Variants in MYH9 observed in about 807,000 individuals in gnomAD.
The protein encoded by MYH9 is myosin-9.
A neutral mutation model predicts 241.9 loss-of-function variants in MYH9; 29 were observed. That is an observed-to-expected ratio of 0.12 (90% CI 0.09 to 0.16). The LOEUF (loss-of-function observed/expected upper bound fraction) is 0.16, where lower values mean the gene tolerates loss of function less well. Ranked by LOEUF, MYH9 falls within the 10% of genes least tolerant of loss-of-function variation. The pLI is 1.00. For missense variants in MYH9, 1,803 were observed against 2,595.5 expected (o/e 0.69, Z 6.63); for synonymous variants, 1,047 against 1,062.6 (o/e 0.99, Z 0.29).
chr22:36,297,284 T>C (rs2016803769), intron 24 of MYH9: 4 of 513,674 alleles, frequency 7.8e-6, no homozygotes, highest in Non-Finnish European at 1.4e-5. Context: ...GTAATTCCCT[T>C]GGTTCCCTTG....
chr22:36,362,531 C>G (rs1243953617), intron 1 of MYH9, among the ~76,000 whole-genome samples: 1 of 152,132 alleles, frequency 6.6e-6, no homozygotes, highest in Non-Finnish European at 1.5e-5. Flanking sequence ...CTCTGTTGCC[C>G]GGGCTGGAGT....
intron 1 of MYH9, among the ~76,000 whole-genome samples, 198 bp downstream of exon 1, chr22:36,387,609 G>A (rs958854486): frequency 6.6e-6 from 1 of 151,468 alleles, no homozygotes; most frequent in East Asian, 1.9e-4. Flanking sequence ...CGCCCTCCCC[G>A]AGCGCCCGCG....
At chr22:36,373,167 C>T (rs1478643173) in intron 1 of MYH9, among the ~76,000 whole-genome samples, 1 of 152,222 alleles carries the variant, frequency 6.6e-6, no homozygotes, top group African/African-American at 2.4e-5. Context: ...CTGGAAAAGG[C>T]AGGGGCCTCA....
At chr22:36,299,180 C>T in intron 23 of MYH9, 138 bp from the exon 24 acceptor site, 6 of 1,264,556 alleles carry the variant, frequency 4.7e-6, no homozygotes, top group Non-Finnish European at 5.7e-6. Flanking sequence ...TTAGGATTTT[C>T]CTAGATCAAA....
Position 36,320,338 on chromosome 22 carries a change from G to T in MYH9, c.894C>A (p.Asn298Lys), listed in dbSNP as rs1165886425. The change falls in exon 9 of 41, where the codon AAC becomes AAA. Residue 298 changes from asparagine to lysine, a missense_variant. Asn to Lys is a moderately conservative substitution (Grantham distance 94). Transcript: ENST00000216181. This position sits in a 1 kb window ranked among gnomAD's most constrained non-coding sequence, Gnocchi z 4.8. Reference sequence around the variant, plus strand: ...GTCCATTGGACAGGAAGCGGTATTTGTTGTACGGCTCCAACAGGAGATCGG... The same window carrying T: ...GTCCATTGGACAGGAAGCGGTATTTTTTGTACGGCTCCAACAGGAGATCGG... ...LKTDLLLEPY[N>K]KYRFLSNGHV... 12 of 1,613,958 alleles carry T rather than the reference G, an allele frequency of 7.4e-6. No homozygotes were observed. The highest frequency in any genetic ancestry group is 1.0e-5 in the Non-Finnish European group (12 of 1,180,044).
intron 40 of MYH9, among the ~76,000 whole-genome samples, chr22:36,283,712 T>C (rs2016531439): frequency 1.3e-5 from 2 of 152,242 alleles, no homozygotes; most frequent in Admixed American, 6.5e-5. Context: ...TCACTACTTC[T>C]TGAGTGTTAA....
intron 3 of MYH9, among the ~76,000 whole-genome samples, chr22:36,333,587 A>G (rs927372942): frequency 2.6e-5 from 4 of 152,244 alleles, no homozygotes; most frequent in Admixed American, 1.3e-4. Context: ...GGTCAAGACT[A>G]AACAAATTTG....
chr22:36,378,179 G>A (rs767842557), intron 1 of MYH9, among the ~76,000 whole-genome samples: 1 of 152,056 alleles, frequency 6.6e-6, no homozygotes, highest in Non-Finnish European at 1.5e-5. Context: ...AGGAGGCTGA[G>A]GTGGGAAGAA....
intron 11 of MYH9, among the ~76,000 whole-genome samples, chr22:36,317,439 T>A (rs551835799): frequency 3.3e-5 from 5 of 152,270 alleles, no homozygotes; most frequent in African/African-American, 1.2e-4. Context: ...GGTTTCTCCT[T>A]AATGGTCAGG....
rs190990609 is a variant in MYH9 at position 36,328,152 on chromosome 22, G to C, written c.491-664C>G. ...AGGCGTGCAATGATGTCACTTTAGA[G>C]GCAGCTTGTAAAGAATGACAGCTTC... On this transcript the variant is annotated intron_variant, in intron 3 of 40. Transcript: ENST00000216181. 2.6e-5 allele frequency among the ~76,000 whole-genome samples: 4 copies of C among 151,844 alleles called. No homozygotes were observed. In the East Asian group the frequency reaches 5.8e-4, roughly 22 times the overall value.
rs2016859332 is a variant in MYH9 at position 36,300,483 on chromosome 22, G to A, written c.2839-219C>T. Among the ~76,000 whole-genome samples, 1 of 152,254 alleles carries A rather than the reference G, an allele frequency of 6.6e-6. No individual in the cohort carries two copies. Among genetic ancestry groups the A allele is most frequent in the Non-Finnish European group, 1.5e-5 (1 of 68,044 alleles). On this transcript the variant is annotated intron_variant, in intron 22 of 40. Transcript: ENST00000216181. The surrounding 1 kb of genome is among the most constrained non-coding windows in gnomAD (Gnocchi z 5.0). The stretch of plus-strand genomic sequence containing the variant: ...TTTGTAGGATTCCAGATTTCAAACT[G>A]GGACACAGGGCCAGAACATCGGTGC...
chr22:36,300,687 T>A lies in MYH9; in HGVS notation c.2838+164A>T, dbSNP rs952715019. 1.3e-5 allele frequency among the ~76,000 whole-genome samples: 2 copies of A among 152,134 alleles called. No homozygotes were observed. Among genetic ancestry groups the A allele is most frequent in the Non-Finnish European group, 2.9e-5 (2 of 68,018 alleles). ...GATCTCAGATGCACATGTCACAAAC[T>A]ACCAGCCCAAAGGGAACACCTCTCA... On this transcript the variant is annotated intron_variant, in intron 22 of 40. Transcript: ENST00000216181. This position sits in a 1 kb window ranked among gnomAD's most constrained non-coding sequence, Gnocchi z 5.0.
chr22:36,384,611 A>AAAATATAT (rs1569537393), intron 1 of MYH9, among the ~76,000 whole-genome samples: 1 of 41,444 alleles, frequency 2.4e-5, no homozygotes, highest in African/African-American at 1.1e-4. Context: ...AAAAAAAAAA[A>AAAATATAT]ATATATATAT....
intron 5 of MYH9, among the ~76,000 whole-genome samples, chr22:36,324,445 G>A (rs935071253): frequency 6.6e-6 from 1 of 152,248 alleles, no homozygotes; most frequent in African/African-American, 2.4e-5. Flanking sequence ...AACAGAGCAG[G>A]GAGAGTCAAA....
chr22:36,340,966 G>C (rs1472480841), intron 3 of MYH9, among the ~76,000 whole-genome samples: 1 of 152,158 alleles, frequency 6.6e-6, no homozygotes, highest in Non-Finnish European at 1.5e-5. Context: ...GCATCTGTTT[G>C]TGTAGAGATG....
intron 2 of MYH9, among the ~76,000 whole-genome samples, chr22:36,345,695 G>C (rs739096): frequency 0.43 from 65,083 of 152,064 alleles, 17,320 homozygotes; most frequent in Non-Finnish European, 0.58. Flanking sequence ...CCTTTAATTT[G>C]GTCCACATGA....
rs2017268628 is a variant in MYH9 at position 36,322,413 on chromosome 22, C to A, written c.705+16G>T. On this transcript the variant is annotated intron_variant, in intron 6 of 40. Coordinates refer to ENST00000216181, the MANE Select transcript of MYH9 (RefSeq NM_002473.6). ...GCCCTCTGTCCCCAGAGCCGGGGCG[C>A]CGCCGCGCTACTCACGAAGCGGGAG... 2.5e-6 allele frequency: 4 copies of A among 1,613,366 alleles called. No individual in the cohort carries two copies. Among genetic ancestry groups the A allele is most frequent in the Non-Finnish European group, 3.4e-6 (4 of 1,179,552 alleles).
At chr22:36,354,298 G>A (rs1343874461) in intron 1 of MYH9, among the ~76,000 whole-genome samples, 1 of 152,038 alleles carries the variant, frequency 6.6e-6, no homozygotes, top group East Asian at 1.9e-4. Flanking sequence ...ACACAAGCTG[G>A]GGAATGAGGA....
At chr22:36,317,625 A>T (rs1021797343) in intron 11 of MYH9, among the ~76,000 whole-genome samples, 25 of 152,066 alleles carry the variant, frequency 1.6e-4, no homozygotes, top group African/African-American at 5.8e-4. Context: ...CACCCTAAAA[A>T]CCCCCATGGC....
Sources: gnomAD v4.1 joint callset for allele counts (sites outside exome capture counted in the v4.1 genomes callset) on GRCh38, gnomAD v4.1.1 for gene constraint, Gnocchi (gnomAD v3.1) non-coding constraint, MANE v1.5 for transcripts, NCBI Gene and HGNC (gene_info 2026-07-23, HGNC 2026-07-21) for gene names.